The following SOX5 variants were observed in gnomAD, a reference collection of about 807,000 sequenced individuals.
SOX5 encodes transcription factor SOX-5.
A neutral mutation model predicts 92.0 loss-of-function variants in SOX5; 9 were observed. That is an observed-to-expected ratio of 0.10 (90% CI 0.06 to 0.17). The LOEUF is 0.17. Ranked by LOEUF, SOX5 falls within the 10% of genes least tolerant of loss-of-function variation. The probability of loss-of-function intolerance (pLI) is 1.00; values close to 1 mark genes in which losing one functional copy is unlikely to be tolerated. For synonymous variants in SOX5, 344 were observed against 336.3 expected, an observed-to-expected ratio of 1.02 and a Z score of -0.25; for missense variants, 642 against 944.5, an observed-to-expected ratio of 0.68 and a Z score of 4.20.
chr12:24,205,076 CAAG>C (rs1223936926), intron 4 of SOX5, among the ~76,000 whole-genome samples: 2 of 152,270 alleles, frequency 1.3e-5, no homozygotes, highest in African/African-American at 2.4e-5. Flanking sequence ...CTTAACAAAT[CAAG>C]AAGATTTTGC....
intron 1 of SOX5, among the ~76,000 whole-genome samples, chr12:24,384,697 A>C (rs910070634): frequency 6.6e-6 from 1 of 152,232 alleles, no homozygotes; most frequent in Non-Finnish European, 1.5e-5. Flanking sequence ...ATAGGTGCCT[A>C]GTTAAGACGA....
At chr12:24,410,648 T>C (rs1963909594) in intron 1 of SOX5, among the ~76,000 whole-genome samples, 1 of 152,160 alleles carries the variant, frequency 6.6e-6, no homozygotes, top group Non-Finnish European at 1.5e-5. Context: ...GGCTTCTCTG[T>C]TTTTTTCCTC....
intron 2 of SOX5, among the ~76,000 whole-genome samples, chr12:23,882,029 A>G (rs1354234593): frequency 6.6e-6 from 1 of 152,210 alleles, no homozygotes; most frequent in African/African-American, 2.4e-5. Flanking sequence ...CCTCCCCACT[A>G]AAAACGGCAG....
At chr12:23,584,719 G>T in intron 9 of SOX5, 1 of 688,234 alleles carries the variant, frequency 1.5e-6, no homozygotes, top group South Asian at 1.7e-5. Flanking sequence ...CCTTGGAGAA[G>T]GACAGGTGTG....
intron 3 of SOX5, among the ~76,000 whole-genome samples, chr12:24,246,332 A>G (rs1938707629): frequency 6.6e-6 from 1 of 151,266 alleles, no homozygotes; most frequent in African/African-American, 2.4e-5. Flanking sequence ...TATGATGGTT[A>G]TATCAGTCAT....
chr12:24,305,302 T>C (rs548007763), intron 2 of SOX5, among the ~76,000 whole-genome samples: 1 of 152,316 alleles, frequency 6.6e-6, no homozygotes, highest in Non-Finnish European at 1.5e-5. Flanking sequence ...CACGCCTAAG[T>C]GTAACAAAGA....
At chr12:24,417,444 T>A (rs1057012084) in intron 1 of SOX5, among the ~76,000 whole-genome samples, 2 of 152,214 alleles carry the variant, frequency 1.3e-5, no homozygotes, top group African/African-American at 4.8e-5. Flanking sequence ...AGGCTCTTTA[T>A]ACTTCCCTTT....
chr12:24,452,044 G>C (rs1942388248), intron 1 of SOX5, among the ~76,000 whole-genome samples: 2 of 152,152 alleles, frequency 1.3e-5, no homozygotes, highest in South Asian at 4.1e-4. Context: ...GTTCTGACTG[G>C]CTATCACATG....
At chr12:23,561,545 C>T (rs1250433198) in intron 11 of SOX5, among the ~76,000 whole-genome samples, 1 of 152,046 alleles carries the variant, frequency 6.6e-6, no homozygotes, top group Non-Finnish European at 1.5e-5. Context: ...CAATTATTGC[C>T]CTCCGATGTG....
At chr12:23,893,942 A>C (rs532672188) in intron 2 of SOX5, among the ~76,000 whole-genome samples, 1 of 152,324 alleles carries the variant, frequency 6.6e-6, no homozygotes, top group South Asian at 2.1e-4. Context: ...GATAATCAGA[A>C]TATGAAATAT....
At chr12:24,168,744 C>T (rs566711994) in intron 4 of SOX5, among the ~76,000 whole-genome samples, 1 of 152,062 alleles carries the variant, frequency 6.6e-6, no homozygotes, top group Non-Finnish European at 1.5e-5. Context: ...ATAAAAGAAG[C>T]CCCATCATTG....
chr12:23,742,946 C>T (rs1053113794), intron 4 of SOX5, among the ~76,000 whole-genome samples: 1 of 94,486 alleles, frequency 1.1e-5, no homozygotes, highest in African/African-American at 4.1e-5. Flanking sequence ...GTGAGATACA[C>T]TGCCTAAAAA....
At chr12:23,770,985 C>G (rs1039802408) in intron 3 of SOX5, among the ~76,000 whole-genome samples, 4 of 152,050 alleles carry the variant, frequency 2.6e-5, no homozygotes, top group Non-Finnish European at 4.4e-5. Flanking sequence ...AAACAGTCTT[C>G]TCAGTACATG....
At chr12:23,862,247 G>A (rs550218667) in intron 2 of SOX5, among the ~76,000 whole-genome samples, 3 of 152,260 alleles carry the variant, frequency 2.0e-5, no homozygotes, top group East Asian at 3.9e-4. Context: ...TTCAGTCAGT[G>A]GAAGGGAAAA....
intron 1 of SOX5, among the ~76,000 whole-genome samples, chr12:24,445,313 CCTCT>C (rs1025325209): frequency 6.6e-6 from 1 of 151,996 alleles, no homozygotes; most frequent in African/African-American, 2.4e-5. Context: ...TGTTTGAGAA[CCTCT>C]CTAATTTTAT....
intron 1 of SOX5, among the ~76,000 whole-genome samples, chr12:24,430,182 C>G (rs1938014025): frequency 6.6e-6 from 1 of 152,056 alleles, no homozygotes; most frequent in African/African-American, 2.4e-5. Flanking sequence ...TAAAGAAAGC[C>G]TAACGCATAA....
chr12:24,332,495 A>C (rs11047372), intron 2 of SOX5, among the ~76,000 whole-genome samples: 16,610 of 152,202 alleles, frequency 0.11, 1,348 homozygotes, highest in East Asian at 0.5. Context: ...AACTGAAAAT[A>C]AGCAAGAAAT....
rs189030492 is a variant in SOX5, at chr12:24,084,702, C to T, written c.-2+128641G>A. On this transcript the variant is annotated intron_variant, in intron 4 of 4. Coordinates refer to the SOX5 transcript ENST00000446891. ...CATTAGTTTCAAAAGTGGTGCTCCT[C>T]ATGCAGTTTCTAATCATCTTCTCCC... Among the ~76,000 whole-genome samples the T allele has an allele frequency of 1.1e-3, 167 of 152,110 alleles. 1 individual carries two copies. The highest frequency in any genetic ancestry group is 2.4e-4 in the Non-Finnish European group (16 of 67,960).
chr12:24,306,317 T>C (rs1458268877), intron 2 of SOX5, among the ~76,000 whole-genome samples: 1 of 152,186 alleles, frequency 6.6e-6, no homozygotes, highest in Non-Finnish European at 1.5e-5. Context: ...CTTGCTGTAA[T>C]GTTTTTAGAA....
Sources: gnomAD v4.1 joint callset for allele counts (sites outside exome capture counted in the v4.1 genomes callset) on GRCh38, gnomAD v4.1.1 for gene constraint, MANE v1.5 for transcripts, NCBI Gene and HGNC (gene_info 2026-07-23, HGNC 2026-07-21) for gene names.